Variants in EPG5 observed in about 807,000 individuals in gnomAD.
The protein encoded by EPG5 is ectopic P-granules 5 autophagy tethering factor, also known as ectopic P granules protein 5 homolog.
A neutral mutation model predicts 302.7 loss-of-function variants in EPG5; 159 were observed. That is an observed-to-expected ratio of 0.53 (90% CI 0.46 to 0.60). The LOEUF (loss-of-function observed/expected upper bound fraction) is 0.60, where lower values mean the gene tolerates loss of function less well. Among genes scored for constraint, EPG5 ranks in the 20% least tolerant of loss-of-function variants. The pLI is 0.00. For synonymous variants in EPG5, 1,158 were observed against 1,136.8 expected (o/e 1.02, Z -0.37); for missense variants, 2,896 against 3,092.4 (o/e 0.94, Z 1.51).
intron 20 of EPG5, among the ~76,000 whole-genome samples, chr18:45,914,626 A>G (rs893803595): frequency 2.0e-5 from 3 of 152,262 alleles, no homozygotes; most frequent in African/African-American, 7.2e-5. Flanking sequence ...ACAATTGAGA[A>G]AACTGAGGAC....
chr18:45,870,951 AT>A (rs929638468), intron 35 of EPG5, among the ~76,000 whole-genome samples: 4 of 152,200 alleles, frequency 2.6e-5, no homozygotes, highest in Admixed American at 6.5e-5. Flanking sequence ...GGTAACTGGA[AT>A]GAGCAGATGC....
downstream of EPG5, among the ~76,000 whole-genome samples, chr18:45,844,626 CACA>C (rs1290258491): frequency 4.6e-5 from 7 of 152,186 alleles, no homozygotes; most frequent in African/African-American, 1.7e-4. Flanking sequence ...ACAAGATCTT[CACA>C]AGTTATTATG....
intron 12 of EPG5, among the ~76,000 whole-genome samples, chr18:45,929,500 T>A (rs1052940825): frequency 6.6e-6 from 1 of 152,168 alleles, no homozygotes; most frequent in African/African-American, 2.4e-5. Context: ...TTTAACACAA[T>A]GGAATATACA....
At chr18:45,854,198 A>G (rs1474025382) in intron 43 of EPG5, among the ~76,000 whole-genome samples, 1 of 152,204 alleles carries the variant, frequency 6.6e-6, no homozygotes, top group Non-Finnish European at 1.5e-5. Context: ...CATGTAAGAC[A>G]ATAGGGGATT....
chr18:45,962,507 G>T (rs1364873734), intron 1 of EPG5, among the ~76,000 whole-genome samples: 1 of 152,182 alleles, frequency 6.6e-6, no homozygotes, highest in Non-Finnish European at 1.5e-5. Flanking sequence ...AGAGTTGGGG[G>T]ATTTTATAGC....
chr18:45,822,808 A>G, the EPG5 span, among the ~76,000 whole-genome samples: 11 of 152,366 alleles, frequency 7.2e-5, no homozygotes, highest in African/African-American at 2.6e-4. Context: ...AAACAACTGG[A>G]AAATAAATCA....
intron 36 of EPG5, 178 bp from the exon 37 acceptor site, chr18:45,867,926 A>G: frequency 1.5e-6 from 1 of 686,142 alleles, no homozygotes; most frequent in African/African-American, 1.8e-5. Context: ...TTCCTTCCAC[A>G]GTGTATGTGT....
In EPG5 at chr18:45,918,091, G is replaced by A. The variant is rs11873365; in HGVS notation, c.3099-272C>T. ...CCTAGAGTAAGGTCAAAATGAGAAC[G>A]CCAGTTTGCAAATTTCTAATCCAGA... On this transcript the variant is annotated intron_variant, in intron 16 of 43. Coordinates refer to ENST00000282041, the MANE Select transcript of EPG5 (RefSeq NM_020964.3). 0.031 allele frequency among the ~76,000 whole-genome samples: 4,695 copies of A among 152,188 alleles called. 208 individuals are homozygous for A. Among genetic ancestry groups the A allele is most frequent in the African/African-American group, 0.1 (4,231 of 41,484 alleles).
At chr18:45,867,839 A>T in intron 36 of EPG5, 91 bp from the exon 37 acceptor site, 1 of 1,169,190 alleles carries the variant, frequency 8.6e-7, no homozygotes, top group South Asian at 1.5e-5. Flanking sequence ...TTATGTTTTT[A>T]AAAAACACTT....
chr18:45,810,889 CAT>C, the EPG5 span, among the ~76,000 whole-genome samples: 2 of 152,082 alleles, frequency 1.3e-5, no homozygotes, highest in Non-Finnish European at 2.9e-5. Flanking sequence ...TGATACAACA[CAT>C]AAACAGAATT....
In EPG5 at chr18:45,870,566, C is replaced by A; in HGVS notation, c.6225+1G>T. ...TGCGATGCCGGGAATGAAGGGCTTA[C>A]TTTGAAGAAGGCCTCCATGAGCATC... is the stretch of plus-strand genomic sequence containing the variant. On this transcript the variant is annotated splice_donor_variant, in intron 36 of 43. Transcript: ENST00000282041. LOFTEE classifies it high-confidence loss of function. The A allele has an allele frequency of 6.2e-7, 1 of 1,611,990 alleles. No homozygotes were observed. Among genetic ancestry groups the A allele is most frequent in the Non-Finnish European group, 8.5e-7 (1 of 1,178,400 alleles).
chr18:45,944,935 T>A (rs902609670), intron 7 of EPG5, among the ~76,000 whole-genome samples: 16 of 152,174 alleles, frequency 1.1e-4, no homozygotes, highest in African/African-American at 3.1e-4. Context: ...ATAACAGTGG[T>A]CATACACAAA....
intron 35 of EPG5, among the ~76,000 whole-genome samples, chr18:45,871,694 C>CA (rs2048874267): frequency 6.6e-6 from 1 of 152,076 alleles, no homozygotes; most frequent in Non-Finnish European, 1.5e-5. Context: ...AGACAAATGC[C>CA]ACATGCTCTT....
chr18:45,853,582 C>G (rs11082491), intron 43 of EPG5, among the ~76,000 whole-genome samples: 20,862 of 152,190 alleles, frequency 0.14, 1,948 homozygotes, highest in East Asian at 0.33. Flanking sequence ...CTCCTTGTCC[C>G]TTTTACAGAA....
chr18:45,939,433 G>A (rs999349050), intron 10 of EPG5, among the ~76,000 whole-genome samples, 167 bp downstream of exon 10: 1 of 151,970 alleles, frequency 6.6e-6, no homozygotes, highest in African/African-American at 2.4e-5. Context: ...TCAACAGGTG[G>A]GTACTACAGA....
In EPG5 at chr18:45,860,152, G is replaced by A; in HGVS notation, c.6961C>T (p.His2321Tyr). Reference protein sequence around the residue: ...AACQSLASVRHMAETTEACIT... With the variant: ...AACQSLASVRYMAETTEACIT... Reference sequence around the variant, plus strand: ...CAGGCTTCTGTAGTCTCAGCCATGTGGCGGACGGACGCCAGGCTCTGGCAG... The same window carrying A: ...CAGGCTTCTGTAGTCTCAGCCATGTAGCGGACGGACGCCAGGCTCTGGCAG... Residue 2321 changes from histidine to tyrosine, a missense_variant, in exon 40 of 44, where the codon CAC (histidine) becomes TAC (tyrosine). His to Tyr is a moderately conservative substitution (Grantham distance 83). Coordinates refer to ENST00000282041, the MANE Select transcript of EPG5 (RefSeq NM_020964.3). 4 of 1,614,256 alleles carry A rather than the reference G, an allele frequency of 2.5e-6. No homozygotes were observed. Among genetic ancestry groups the A allele is most frequent in the Non-Finnish European group, 3.4e-6 (4 of 1,180,046 alleles).
intron 30 of EPG5, among the ~76,000 whole-genome samples, chr18:45,882,884 G>A (rs141247838): frequency 6.6e-6 from 1 of 151,952 alleles, no homozygotes; most frequent in Non-Finnish European, 1.5e-5. Context: ...GCATATGCCT[G>A]TAATCCCGGC....
At position 45,926,514 on chromosome 18, in the gene EPG5, A is replaced by T. The variant is rs116969205; in HGVS notation, c.2554-612T>A. Reference sequence around the variant, plus strand: ...TCTACAGCACTACTTTTAAAATAACACATCCAAGTGTGCAAATTAAGATAA... The same window carrying T: ...TCTACAGCACTACTTTTAAAATAACTCATCCAAGTGTGCAAATTAAGATAA... On this transcript the variant is annotated intron_variant, in intron 13 of 43. Transcript: ENST00000282041. Among the ~76,000 whole-genome samples, 467 of 152,296 alleles carry T rather than the reference A, an allele frequency of 3.1e-3. 10 individuals are homozygous for T. In the East Asian group the frequency reaches 0.034, roughly 11 times the overall value.
chr18:45,893,314 C>T (rs187249978), intron 27 of EPG5, among the ~76,000 whole-genome samples: 19 of 152,242 alleles, frequency 1.2e-4, no homozygotes, highest in African/African-American at 4.3e-4. Context: ...TCTGTAATCC[C>T]AGCACTTTGG....
Sources: gnomAD v4.1 joint callset for allele counts (sites outside exome capture counted in the v4.1 genomes callset) on GRCh38, gnomAD v4.1.1 for gene constraint, MANE v1.5 for transcripts, NCBI Gene and HGNC (gene_info 2026-07-23, HGNC 2026-07-21) for gene names.